DOCK10: variants seen among roughly 807,000 people sequenced by gnomAD.
The protein encoded by DOCK10 is dedicator of cytokinesis 10.
A neutral mutation model predicts 280.1 loss-of-function variants in DOCK10; 145 were observed. The ratio of observed to expected loss-of-function variants is 0.52; its 90% CI spans 0.45 to 0.59. The LOEUF (loss-of-function observed/expected upper bound fraction) is 0.59, where lower values mean the gene tolerates loss of function less well. Among genes scored for constraint, DOCK10 ranks in the 20% least tolerant of loss-of-function variants. DOCK10 has a pLI of 0.00. For missense variants in DOCK10, 2,368 were observed against 2,651.7 expected, an observed-to-expected ratio of 0.89 and a Z score of 2.35; for synonymous variants, 915 against 942.2, an observed-to-expected ratio of 0.97 and a Z score of 0.53.
rs1695852913 is a variant in DOCK10, at chr2:224,840,015, T to G, written c.2719A>C (p.Asn907His). ...AIMSFLPIILNQLFKVLVQNE... is the reference protein window; with the variant it reads ...AIMSFLPIILHQLFKVLVQNE... Reference sequence around the variant, plus strand: ...TGTACCAGAACTTTGAAGAGCTGATTCAAAATTATAGGCAGAAAACTCATG... The same window carrying G: ...TGTACCAGAACTTTGAAGAGCTGATGCAAAATTATAGGCAGAAAACTCATG... The change falls in exon 24 of 56, where the codon AAT becomes CAT. Residue 907 changes from asparagine to histidine, a missense_variant. Physicochemically the swap from Asn to His is moderately conservative, Grantham distance 68. Coordinates refer to ENST00000258390, the MANE Select transcript of DOCK10 (RefSeq NM_014689.3). 6.4e-7 allele frequency: 1 copy of G among 1,566,390 alleles called. No individual in the cohort carries two copies. Among genetic ancestry groups the G allele is most frequent in the Non-Finnish European group, 8.7e-7 (1 of 1,152,766 alleles).
intron 4 of DOCK10, among the ~76,000 whole-genome samples, chr2:224,887,920 A>G (rs1699403838): frequency 6.6e-6 from 1 of 152,146 alleles, no homozygotes; most frequent in Non-Finnish European, 1.5e-5. Context: ...GCATCAGTTC[A>G]TTGACTTCTC....
intron 50 of DOCK10, among the ~76,000 whole-genome samples, chr2:224,780,831 C>T (rs533864274): frequency 4.0e-5 from 6 of 151,348 alleles, no homozygotes; most frequent in South Asian, 2.1e-4. Flanking sequence ...ATCCAGGAGG[C>T]GGAGGTTGCA....
intron 1 of DOCK10, among the ~76,000 whole-genome samples, chr2:225,021,713 T>A (rs1240818843): frequency 6.6e-6 from 1 of 152,184 alleles, no homozygotes; most frequent in African/African-American, 2.4e-5. Flanking sequence ...CAGGTTTTTG[T>A]TGTTGTTGTT....
At chr2:225,019,439 T>G (rs754007381) in intron 1 of DOCK10, among the ~76,000 whole-genome samples, 2 of 102,944 alleles carry the variant, frequency 1.9e-5, no homozygotes, top group African/African-American at 6.8e-5. Flanking sequence ...GAGAGTGTGG[T>G]TTAATCTTTT....
chr2:224,773,084 C>T, intron 53 of DOCK10, 73 bp downstream of exon 53: 1 of 1,341,070 alleles, frequency 7.5e-7, no homozygotes. Context: ...TCTTTGTAAA[C>T]AAAGTTCTCA....
At chr2:224,950,535 A>C (rs776369929) in intron 1 of DOCK10, among the ~76,000 whole-genome samples, 3 of 152,156 alleles carry the variant, frequency 2.0e-5, no homozygotes, top group Non-Finnish European at 2.9e-5. Context: ...GCCAGAAGGG[A>C]AGTTCAAAGA....
intron 1 of DOCK10, among the ~76,000 whole-genome samples, chr2:224,972,139 G>T (rs1705125566): frequency 6.6e-6 from 1 of 152,150 alleles, no homozygotes; most frequent in Non-Finnish European, 1.5e-5. Flanking sequence ...AACAAATAAA[G>T]AATACTGTGC....
In DOCK10 at chr2:224,931,534, G is replaced by A; in HGVS notation, c.243+15C>T. The A allele has an allele frequency of 6.3e-7, 1 of 1,596,508 alleles. No individual in the cohort carries two copies. Among genetic ancestry groups the A allele is most frequent in the East Asian group, 2.2e-5 (1 of 44,486 alleles). On this transcript the variant is annotated intron_variant, in intron 2 of 55. Transcript: ENST00000258390. ...GCCCTCCTGAATCTAAATGGCTTGA[G>A]AAGAGAAGACTTACTGAAAAGTCAT...
chr2:224,987,968 T>C (rs1194121126), intron 1 of DOCK10, among the ~76,000 whole-genome samples: 1 of 152,164 alleles, frequency 6.6e-6, no homozygotes, highest in African/African-American at 2.4e-5. Context: ...CTCAATAGTA[T>C]CTGCGGTAAA....
intron 18 of DOCK10, 119 bp from the exon 19 acceptor site, chr2:224,849,718 G>T: frequency 1.5e-6 from 1 of 666,614 alleles, no homozygotes. Flanking sequence ...GTGATAACTT[G>T]CCAGGCTAAG....
intron 2 of DOCK10, 112 bp from the exon 3 acceptor site, chr2:224,916,896 C>T: frequency 1.3e-6 from 1 of 769,276 alleles, no homozygotes; most frequent in Non-Finnish European, 2.2e-6. Context: ...TTAAAGTTAA[C>T]AGAAGACAGA....
At chr2:225,024,503 T>C (rs1689864983) in intron 1 of DOCK10, among the ~76,000 whole-genome samples, 1 of 152,112 alleles carries the variant, frequency 6.6e-6, no homozygotes, top group Non-Finnish European at 1.5e-5. Context: ...GAAGGAAGGG[T>C]ATATGATATT....
At position 224,837,820 on chromosome 2, in the gene DOCK10, T is replaced by C. The variant is rs1471472171; in HGVS notation, c.2792A>G (p.Asp931Gly). 1 of 1,613,796 alleles carries C rather than the reference T, an allele frequency of 6.2e-7. No individual in the cohort carries two copies. The highest frequency in any genetic ancestry group is 8.5e-7 in the Non-Finnish European group (1 of 1,179,878). The change falls in exon 25 of 56, where the codon GAC (aspartate) becomes GGC (glycine). Residue 931 changes from aspartate (D) to glycine (G), a missense_variant. This residue lies in a region of DOCK10 where 1,209 missense variants were observed against 1,250.9 expected (regional missense o/e 0.97). Coordinates refer to ENST00000258390, the MANE Select transcript of DOCK10 (RefSeq NM_014689.3). Reference sequence around the variant, plus strand: ...CTCCTCATGGCACTTGGCCACAATGTCGGTCAGAACCCTGCAAAAGCAAAG... The same window carrying C: ...CTCCTCATGGCACTTGGCCACAATGCCGGTCAGAACCCTGCAAAAGCAAAG... Reference protein sequence around the residue: ...ITTTVTRVLTDIVAKCHEEQL... With the variant: ...ITTTVTRVLTGIVAKCHEEQL...
intron 30 of DOCK10, among the ~76,000 whole-genome samples, chr2:224,815,928 C>CAGG (rs57770897): frequency 0.26 from 39,488 of 151,592 alleles, 8,266 homozygotes; most frequent in African/African-American, 0.59. Flanking sequence ...CCCAGCTACT[C>CAGG]AGGCTGAGGT....
chr2:224,945,188 C>T lies in DOCK10; in HGVS notation c.124-13520G>A, dbSNP rs115186714. Among the ~76,000 whole-genome samples, 1,297 of 152,204 alleles carry T rather than the reference C, an allele frequency of 8.5e-3. 20 individuals are homozygous for T. Among genetic ancestry groups the T allele is most frequent in the African/African-American group, 0.027 (1,131 of 41,526 alleles). On this transcript the variant is annotated intron_variant, in intron 1 of 55. Transcript: ENST00000258390. Reference sequence around the variant, plus strand: ...CTAAATTCCATTGAGATAAATACAGCAGGGAAATTATGTTTTGGGGACAAG... The same window carrying T: ...CTAAATTCCATTGAGATAAATACAGTAGGGAAATTATGTTTTGGGGACAAG...
At chr2:224,878,046 T>C (rs1300646608) in intron 7 of DOCK10, among the ~76,000 whole-genome samples, 3 of 152,196 alleles carry the variant, frequency 2.0e-5, no homozygotes, top group African/African-American at 7.2e-5. Context: ...ATGAGATCAA[T>C]AGTGTGGGAT....
At chr2:225,018,881 TTA>T (rs1053334347) in intron 1 of DOCK10, among the ~76,000 whole-genome samples, 4 of 147,100 alleles carry the variant, frequency 2.7e-5, no homozygotes, top group African/African-American at 1.0e-4. Flanking sequence ...ATGTATATCA[TTA>T]TATATGTGTA....
intron 1 of DOCK10, among the ~76,000 whole-genome samples, chr2:224,984,417 G>A (rs755882406): frequency 5.9e-5 from 9 of 152,214 alleles, no homozygotes; most frequent in Non-Finnish European, 1.3e-4. Context: ...CAAATGAGAT[G>A]CTTTCTAGCT....
rs76302225 is a variant in DOCK10 at position 225,025,146 on chromosome 2, G to A, written c.123+17106C>T. Among the ~76,000 whole-genome samples, 76 of 152,336 alleles carry A rather than the reference G, an allele frequency of 5.0e-4. 1 individual carries two copies. The highest frequency in any genetic ancestry group is 9.3e-4 in the Non-Finnish European group (63 of 68,030). ...GCCCAGTGCAATGCAAGCTCTCTGG[G>A]CTTTGGTGGAGATCAGGGAAGGATT... On this transcript the variant is annotated intron_variant, in intron 1 of 55. Coordinates refer to ENST00000258390, the MANE Select transcript of DOCK10 (RefSeq NM_014689.3).
Sources: gnomAD v4.1 joint callset for allele counts (sites outside exome capture counted in the v4.1 genomes callset) on GRCh38, gnomAD v4.1.1 for gene constraint, gnomAD v4.1.1 regional missense constraint, MANE v1.5 for transcripts, NCBI Gene and HGNC (gene_info 2026-07-23, HGNC 2026-07-21) for gene names.